The following PNLDC1 variants were observed in gnomAD, a reference collection of about 807,000 sequenced individuals.
PNLDC1 encodes PARN like ribonuclease domain containing exonuclease 1.
Under a neutral mutation model 82.0 loss-of-function variants are expected in PNLDC1, and 70 were observed. That is an observed-to-expected ratio of 0.85 (90% CI 0.70 to 1.04). The LOEUF (loss-of-function observed/expected upper bound fraction) is 1.04. PNLDC1 is among the 50% of genes least tolerant of loss of function. The pLI is 0.00. For missense variants in PNLDC1, 631 were observed against 661.1 expected (o/e 0.95, Z 0.50); for synonymous variants, 280 against 249.3 (o/e 1.12, Z -1.16).
intron 7 of PNLDC1, among the ~76,000 whole-genome samples, chr6:159,808,202 C>A (rs922828688): frequency 6.6e-6 from 1 of 152,258 alleles, no homozygotes; most frequent in Non-Finnish European, 1.5e-5. Context: ...GCATGAGCCA[C>A]TGCGCCCAGC....
At chr6:159,808,574 T>A (rs1010719012) in intron 7 of PNLDC1, among the ~76,000 whole-genome samples, 166 bp from the exon 8 acceptor site, 1 of 146,788 alleles carries the variant, frequency 6.8e-6, no homozygotes, top group African/African-American at 2.5e-5. Context: ...CCAGATCCCA[T>A]CATGACAGGC....
In PNLDC1 at chr6:159,804,010, T is replaced by C; in HGVS notation, c.294T>C (p.Phe98=). The C allele has an allele frequency of 6.2e-7, 1 of 1,613,390 alleles. No homozygotes were observed. Among genetic ancestry groups the C allele is most frequent in the Non-Finnish European group, 8.5e-7 (1 of 1,179,242 alleles). The change falls in exon 5 of 19, where the codon TTT becomes TTC. Residue 98 remains phenylalanine (F), a synonymous_variant. Coordinates refer to ENST00000392167, the MANE Select transcript of PNLDC1 (RefSeq NM_001271862.2). ...ACTTCTATCTCTTCCCTACAACGTT[T>C]GGGATTTTGGACTCAGAATTCTCCT... The part of the protein sequence containing the change: ...SCNFYLFPTT[F]GILDSEFSFQ...
intron 9 of PNLDC1, among the ~76,000 whole-genome samples, chr6:159,809,416 C>A (rs1781569062): frequency 6.6e-6 from 1 of 151,372 alleles, no homozygotes; most frequent in African/African-American, 2.4e-5. Flanking sequence ...TCCTGAGTAG[C>A]TGGGACTACA....
chr6:159,801,928 C>A (rs957238863), intron 3 of PNLDC1, among the ~76,000 whole-genome samples: 1 of 152,068 alleles, frequency 6.6e-6, no homozygotes, highest in African/African-American at 2.4e-5. Flanking sequence ...CGCTCTGTTG[C>A]CCAGGCTGGA....
In PNLDC1 at chr6:159,811,845, CT is replaced by C; in HGVS notation, c.939+62del. ...CTTTTTCCATACCAGTAACACTTAGCTTTCTCTTGTGGGGTTTTTTTCTTGT... is the reference window on the plus strand; with the variant it reads ...CTTTTTCCATACCAGTAACACTTAGCTTCTCTTGTGGGGTTTTTTTCTTGT... On this transcript the variant is annotated intron_variant, in intron 11 of 18. Transcript: ENST00000392167. 3 of 1,249,836 alleles carry C rather than the reference CT, an allele frequency of 2.4e-6. 1 individual carries two copies. In the South Asian group the frequency reaches 3.9e-5, roughly 16 times the overall value. The allele number at this position is 1,249,836 out of a possible 1,614,324, so 77.4% of individuals were successfully genotyped here.
At chr6:159,806,178 T>A in intron 7 of PNLDC1, 95 bp downstream of exon 7, 12 of 907,896 alleles carry the variant, frequency 1.3e-5, no homozygotes, top group Non-Finnish European at 2.2e-5. Context: ...CTTGGGATCC[T>A]GGTCCCAAGT....
intron 6 of PNLDC1, 38 bp downstream of exon 6, chr6:159,804,675 G>A: frequency 2.0e-6 from 3 of 1,476,016 alleles, no homozygotes; most frequent in East Asian, 4.5e-5. Flanking sequence ...TTGTTTCCTT[G>A]TTGCTGTTGT....
chr6:159,802,436 C>T (rs1478419544), intron 3 of PNLDC1, among the ~76,000 whole-genome samples: 1 of 151,820 alleles, frequency 6.6e-6, no homozygotes, highest in African/African-American at 2.4e-5. Flanking sequence ...TGATGCTGAA[C>T]GTGTGTGTGT....
chr6:159,803,353 A>G (rs1781331805), intron 4 of PNLDC1, 43 bp downstream of exon 4: 6 of 1,579,764 alleles, frequency 3.8e-6, no homozygotes, highest in South Asian at 2.2e-5. Context: ...CTTCCCACCT[A>G]TGTTCCACAG....
At chr6:159,806,610 C>A (rs1781456538) in intron 7 of PNLDC1, among the ~76,000 whole-genome samples, 1 of 152,340 alleles carries the variant, frequency 6.6e-6, no homozygotes, top group Middle Eastern at 3.4e-3. Flanking sequence ...GGCATCTCAG[C>A]ACACATTAAG....
At chr6:159,818,231 A>G (rs1464186839) in intron 15 of PNLDC1, among the ~76,000 whole-genome samples, 1 of 151,930 alleles carries the variant, frequency 6.6e-6, no homozygotes, top group African/African-American at 2.4e-5. Flanking sequence ...CCAAGGGGGG[A>G]CAGCATGGGG....
Position 159,806,029 on chromosome 6 carries a change from C to G in PNLDC1, c.508C>G (p.Arg170Gly). 3 of 1,614,190 alleles carry G rather than the reference C, an allele frequency of 1.9e-6. No individual in the cohort carries two copies. The highest frequency in any genetic ancestry group is 2.5e-6 in the Non-Finnish European group (3 of 1,180,024). The change falls in exon 7 of 19, where the codon CGG (arginine) becomes GGG (glycine). Residue 170 changes from arginine to glycine, a missense_variant. Arg to Gly is a moderately radical substitution (Grantham distance 125). Coordinates refer to ENST00000392167, the MANE Select transcript of PNLDC1 (RefSeq NM_001271862.2). ...CAAGGTGGTGATTGACGAAGTGACG[C>G]GGTGGCTGGAGCTGGCCAAGGAAGG... ...QIKVVIDEVT[R>G]WLELAKEGDW...
intron 4 of PNLDC1, 91 bp from the exon 5 acceptor site, chr6:159,803,874 T>C: frequency 7.1e-7 from 1 of 1,408,264 alleles, no homozygotes; most frequent in Non-Finnish European, 9.7e-7. Context: ...TCTTCTTGCC[T>C]AAAAGAAAGA....
At chr6:159,820,423 C>T in intron 18 of PNLDC1, 31 bp from the exon 19 acceptor site, 1 of 1,612,936 alleles carries the variant, frequency 6.2e-7, no homozygotes, top group Non-Finnish European at 8.5e-7. Context: ...GCTGGGTGCC[C>T]CGGCCACTGA....
chr6:159,804,720 G>A lies in PNLDC1; in HGVS notation c.461+83G>A, dbSNP rs898022198. ...CCGTGGGCGGGCGTGCCGTTTCCAG[G>A]AGTGTGGTGACCTCCATCCATGCTT... On this transcript the variant is annotated intron_variant, in intron 6 of 18. Coordinates refer to ENST00000392167, the MANE Select transcript of PNLDC1 (RefSeq NM_001271862.2). 1.3e-5 allele frequency: 13 copies of A among 1,016,268 alleles called. No homozygotes were observed. In the South Asian group the frequency reaches 1.4e-4, roughly 11 times the overall value. 63.0% of individuals were successfully genotyped at this position (1,016,268 alleles called of 1,614,324 possible).
chr6:159,814,512 A>T (rs896999106), intron 12 of PNLDC1, among the ~76,000 whole-genome samples: 1 of 151,370 alleles, frequency 6.6e-6, no homozygotes, highest in African/African-American at 2.4e-5. Context: ...TGATGTTCCC[A>T]CCCTACATGA....
At position 159,800,285 on chromosome 6, in the gene PNLDC1, C is replaced by T. The variant is rs979497128; in HGVS notation, c.-23C>T. ...GTGGGCAGCACGTGATAGCGCTGGG[C>T]GACTCCGCGGAGCTGCACGGCCATG... On this transcript the variant is annotated 5_prime_UTR_variant, in exon 1 of 19. Transcript: ENST00000392167. 1.8e-5 allele frequency: 27 copies of T among 1,539,310 alleles called. No individual in the cohort carries two copies. The highest frequency in any genetic ancestry group is 4.0e-5 in the Admixed American group (2 of 50,614).
In PNLDC1 at chr6:159,810,038, C is replaced by T. The variant is rs771275848; in HGVS notation, c.796C>T (p.His266Tyr). ...TTACTCCAAGTAGCCCTTAGTGGGA[C>T]ATAATATGATGATGGACCTGCTGCA... ...LVKAQKPLVG[H>Y]NMMMDLLHLH... Residue 266 changes from histidine to tyrosine, a missense_variant, in exon 10 of 19, where the codon CAT becomes TAT. Coordinates refer to ENST00000392167, the MANE Select transcript of PNLDC1 (RefSeq NM_001271862.2). 6.2e-7 allele frequency: 1 copy of T among 1,613,874 alleles called. No individual in the cohort carries two copies. Among genetic ancestry groups the T allele is most frequent in the East Asian group, 2.2e-5 (1 of 44,892 alleles).
At chr6:159,803,872 C>T (rs963066522) in intron 4 of PNLDC1, 93 bp from the exon 5 acceptor site, 3 of 1,369,800 alleles carry the variant, frequency 2.2e-6, no homozygotes, top group Admixed American at 4.5e-5. Context: ...ATTCTTCTTG[C>T]CTAAAAGAAA....
Sources: gnomAD v4.1 joint callset for allele counts (sites outside exome capture counted in the v4.1 genomes callset) on GRCh38, gnomAD v4.1.1 for gene constraint, MANE v1.5 for transcripts, NCBI Gene and HGNC (gene_info 2026-07-23, HGNC 2026-07-21) for gene names.